EPHA3: variants seen among roughly 807,000 people sequenced by gnomAD.
The protein encoded by EPHA3 is EPH receptor A3, also known as ephrin type-A receptor 3.
A neutral mutation model predicts 107.1 loss-of-function variants in EPHA3; 42 were observed. The observed-to-expected ratio is 0.39, with a 90% CI of 0.31 to 0.51. The LOEUF (loss-of-function observed/expected upper bound fraction) is 0.51. Ranked by LOEUF, EPHA3 falls within the 20% of genes least tolerant of loss-of-function variation. The probability of loss-of-function intolerance (pLI) is 0.78; values close to 1 mark genes in which losing one functional copy is unlikely to be tolerated. For missense variants in EPHA3, 1,183 were observed against 1,211.2 expected (o/e 0.98, Z 0.35); for synonymous variants, 461 against 424.8 (o/e 1.09, Z -1.05).
chr3:89,467,882 A>T (rs1710318025), intron 15 of EPHA3, among the ~76,000 whole-genome samples: 1 of 152,210 alleles, frequency 6.6e-6, no homozygotes, highest in African/African-American at 2.4e-5. Context: ...GATCAGGTGG[A>T]GCTCTGTAGG....
chr3:89,246,615 A>G (rs895901892), intron 3 of EPHA3, among the ~76,000 whole-genome samples: 2 of 152,126 alleles, frequency 1.3e-5, no homozygotes, highest in African/African-American at 4.8e-5. Flanking sequence ...TGGCAGTTCA[A>G]TTATTTTACA....
chr3:89,436,566 G>A (rs75247187), intron 13 of EPHA3, among the ~76,000 whole-genome samples: 49 of 152,286 alleles, frequency 3.2e-4, no homozygotes, highest in African/African-American at 1.2e-3. Context: ...AAAGAATACT[G>A]AACATAGAAT....
At chr3:89,311,048 A>T (rs1030283650) in intron 3 of EPHA3, among the ~76,000 whole-genome samples, 5 of 152,020 alleles carry the variant, frequency 3.3e-5, no homozygotes, top group Non-Finnish European at 7.4e-5. Context: ...ACTGCTATAA[A>T]GGTCTGTAAT....
chr3:89,316,475 ATATG>A (rs1706901658), intron 3 of EPHA3, among the ~76,000 whole-genome samples: 1 of 136,124 alleles, frequency 7.3e-6, no homozygotes, highest in African/African-American at 2.9e-5. Flanking sequence ...CACTGTATAT[ATATG>A]TGTGTGTGTG....
intron 1 of EPHA3, among the ~76,000 whole-genome samples, chr3:89,124,807 T>G (rs1704057654): frequency 6.6e-6 from 1 of 152,006 alleles, no homozygotes; most frequent in Non-Finnish European, 1.5e-5. Flanking sequence ...TGTGTTTTTC[T>G]CATTTATGCT....
Position 89,399,350 on chromosome 3 carries a change from G to C in EPHA3, c.1464G>C (p.Arg488Ser). The change falls in exon 7 of 17, where the codon AGG (arginine) becomes AGC (serine). Residue 488 changes from arginine (R) to serine (S), a missense_variant. By Grantham distance (110) the Arg-to-Ser change is moderately radical (BLOSUM62 -1). Coordinates refer to ENST00000336596, the MANE Select transcript of EPHA3 (RefSeq NM_005233.6). Reference protein sequence around the residue: ...QEQETSYTILRARGTNVTISS... With the variant: ...QEQETSYTILSARGTNVTISS... ...AAGAAACAAGTTATACCATTCTGAGGGCAAGAGGCACAAATGTTACCATCA... is the reference window on the plus strand; with the variant it reads ...AAGAAACAAGTTATACCATTCTGAGCGCAAGAGGCACAAATGTTACCATCA... 6.2e-7 allele frequency: 1 copy of C among 1,612,452 alleles called. No homozygotes were observed. Among genetic ancestry groups the C allele is most frequent in the Non-Finnish European group, 8.5e-7 (1 of 1,179,034 alleles).
rs187965128 is a variant in EPHA3 at position 89,121,534 on chromosome 3, G to A, written c.89-5675G>A. ...AGCACTTTGGGAGGCCAAGGCGTGC[G>A]GATCATGAGGTCAAGAGATCGAGAC... On this transcript the variant is annotated intron_variant, in intron 1 of 16. Coordinates refer to ENST00000336596, the MANE Select transcript of EPHA3 (RefSeq NM_005233.6). 2.6e-4 allele frequency among the ~76,000 whole-genome samples: 40 copies of A among 152,042 alleles called. 1 individual carries two copies. Among genetic ancestry groups the A allele is most frequent in the Admixed American group, 2.6e-3 (39 of 15,278 alleles).
chr3:89,366,506 T>A (rs1708186507), intron 5 of EPHA3, among the ~76,000 whole-genome samples: 1 of 150,974 alleles, frequency 6.6e-6, no homozygotes, highest in African/African-American at 2.4e-5. Context: ...AATTGACCAC[T>A]AAGATCTGAT....
At chr3:89,117,120 G>T (rs1051539471) in intron 1 of EPHA3, among the ~76,000 whole-genome samples, 13 of 151,818 alleles carry the variant, frequency 8.6e-5, no homozygotes, top group African/African-American at 2.7e-4. Context: ...AAGTTTAGTT[G>T]GTCAATATCA....
chr3:89,403,887 C>T (rs1312540716), intron 7 of EPHA3, among the ~76,000 whole-genome samples: 1 of 151,682 alleles, frequency 6.6e-6, no homozygotes, highest in Non-Finnish European at 1.5e-5. Flanking sequence ...TAAAATAGTA[C>T]CTCATATAGC....
In EPHA3 at chr3:89,174,101, A is replaced by G. The variant is rs188265852; in HGVS notation, c.154-35759A>G. 2.3e-4 allele frequency among the ~76,000 whole-genome samples: 35 copies of G among 152,100 alleles called. No homozygotes were observed. The East Asian group carries it at 2.7e-3, about 12-fold the overall frequency. ...GCTATGTAAGAAAAATGACTCATGG[A>G]GATAAGTTATAATAGTTTTAATTTC... On this transcript the variant is annotated intron_variant, in intron 2 of 16. Coordinates refer to ENST00000336596, the MANE Select transcript of EPHA3 (RefSeq NM_005233.6).
intron 5 of EPHA3, among the ~76,000 whole-genome samples, chr3:89,346,356 C>T (rs1226828543): frequency 7.2e-6 from 1 of 138,856 alleles, no homozygotes; most frequent in African/African-American, 2.7e-5. Context: ...ATTTGCATTT[C>T]TCTGATGGCC....
chr3:89,372,031 C>G (rs147339393), intron 5 of EPHA3, among the ~76,000 whole-genome samples: 2,311 of 151,006 alleles, frequency 0.015, 44 homozygotes, highest in African/African-American at 0.053. Context: ...ACCATTTTAG[C>G]AGAGAGAGGG....
At chr3:89,181,185 C>T (rs1481800041) in intron 2 of EPHA3, among the ~76,000 whole-genome samples, 2 of 151,884 alleles carry the variant, frequency 1.3e-5, no homozygotes, top group African/African-American at 4.8e-5. Context: ...ACTTTTTGAG[C>T]ATTTCAGTGA....
chr3:89,155,574 G>GATTGTTC (rs1023548677), intron 2 of EPHA3, among the ~76,000 whole-genome samples: 15 of 152,084 alleles, frequency 9.9e-5, no homozygotes, highest in Non-Finnish European at 2.2e-4. Context: ...GTGGCTTTTT[G>GATTGTTC]ATTGTTCATG....
intron 13 of EPHA3, among the ~76,000 whole-genome samples, chr3:89,441,945 T>TA (rs1709794242): frequency 6.6e-6 from 1 of 151,790 alleles, no homozygotes; most frequent in Non-Finnish European, 1.5e-5. Flanking sequence ...CAAGGACTCT[T>TA]ATTCGTGTCT....
chr3:89,183,790 G>A lies in EPHA3; in HGVS notation c.154-26070G>A, dbSNP rs1705499157. 1.3e-5 allele frequency among the ~76,000 whole-genome samples: 2 copies of A among 151,710 alleles called. 1 individual carries two copies. The highest frequency in any genetic ancestry group is 4.1e-4 in the South Asian group (2 of 4,826). On this transcript the variant is annotated intron_variant, in intron 2 of 16. Transcript: ENST00000336596. The stretch of plus-strand genomic sequence containing the variant: ...TCAAGAAGTAGCTGTCACTTTTTGG[G>A]AACTGGGAATTAGCTACAGATTATA...
At chr3:89,398,687 G>A (rs1708896889) in intron 6 of EPHA3, among the ~76,000 whole-genome samples, 1 of 152,154 alleles carries the variant, frequency 6.6e-6, no homozygotes, top group Admixed American at 6.5e-5. Context: ...TTAGATTTAA[G>A]CTTTCTCTCA....
At chr3:89,114,378 G>T (rs1421360595) in intron 1 of EPHA3, among the ~76,000 whole-genome samples, 1 of 152,076 alleles carries the variant, frequency 6.6e-6, no homozygotes, top group African/African-American at 2.4e-5. Context: ...ACTATTCTCC[G>T]CTAGGTCCAG....
Sources: gnomAD v4.1 joint callset for allele counts (sites outside exome capture counted in the v4.1 genomes callset) on GRCh38, gnomAD v4.1.1 for gene constraint, MANE v1.5 for transcripts, NCBI Gene and HGNC (gene_info 2026-07-23, HGNC 2026-07-21) for gene names.